Variants in FNBP1 observed in about 807,000 individuals in gnomAD.
The protein encoded by FNBP1 is formin-binding protein 1.
FNBP1 carries 26 observed loss-of-function variants against 90.6 expected under a neutral mutation model. That is an observed-to-expected ratio of 0.29 (90% CI 0.21 to 0.40). The LOEUF is 0.40. Ranked by LOEUF, FNBP1 falls within the 10% of genes least tolerant of loss-of-function variation. The pLI, the probability that FNBP1 is intolerant of heterozygous loss-of-function variation, is 1.00. For missense variants in FNBP1, 635 were observed against 768.0 expected (o/e 0.83, Z 2.05); for synonymous variants, 260 against 265.2 (o/e 0.98, Z 0.19).
In FNBP1 at chr9:129,950,398, G is replaced by A. The variant is rs2045985301; in HGVS notation, c.513+6962C>T. On this transcript the variant is annotated intron_variant, in intron 6 of 16. Coordinates refer to ENST00000446176, the MANE Select transcript of FNBP1 (RefSeq NM_015033.3). Reference sequence around the variant, plus strand: ...AACGATGCTCCCAGTGTAAGAAAAAGTACTAGATCTTTGGAAATATTCAAA... The same window carrying A: ...AACGATGCTCCCAGTGTAAGAAAAAATACTAGATCTTTGGAAATATTCAAA... Among the ~76,000 whole-genome samples, 3 of 152,168 alleles carry A rather than the reference G, an allele frequency of 2.0e-5. No individual in the cohort carries two copies. The South Asian group carries it at 6.2e-4, about 32-fold the overall frequency.
intron 1 of FNBP1, among the ~76,000 whole-genome samples, chr9:130,018,991 G>A (rs1479788525): frequency 1.3e-5 from 2 of 152,098 alleles, no homozygotes; most frequent in Admixed American, 1.3e-4. Flanking sequence ...TTGGGAAGCC[G>A]AGGCAAGTGG....
intron 1 of FNBP1, among the ~76,000 whole-genome samples, chr9:130,024,253 CA>C (rs879626823): frequency 5.9e-5 from 9 of 151,536 alleles, no homozygotes; most frequent in African/African-American, 1.5e-4. Context: ...CTACCCCCCC[CA>C]AAAAAACAGG....
rs181809748 is a variant in FNBP1 at position 129,959,426 on chromosome 9, T to C, written c.346-873A>G. 1.6e-3 allele frequency among the ~76,000 whole-genome samples: 247 copies of C among 151,234 alleles called. 1 individual carries two copies. Among genetic ancestry groups the C allele is most frequent in the African/African-American group, 4.8e-3 (197 of 41,112 alleles). On this transcript the variant is annotated intron_variant, in intron 4 of 16. Coordinates refer to ENST00000446176, the MANE Select transcript of FNBP1 (RefSeq NM_015033.3). The stretch of plus-strand genomic sequence containing the variant: ...CAATATGGTGAAACCCCATCTCTAC[T>C]AAAAAGACAAAAATCAGCCAGGCGT...
At chr9:129,997,077 C>A (rs1023269108) in intron 1 of FNBP1, among the ~76,000 whole-genome samples, 12 of 151,804 alleles carry the variant, frequency 7.9e-5, no homozygotes, top group African/African-American at 2.9e-4. Context: ...GTAATCCCAG[C>A]ATTTTGGGAA....
intron 6 of FNBP1, among the ~76,000 whole-genome samples, chr9:129,951,612 T>G (rs2046186147): frequency 1.3e-5 from 2 of 151,748 alleles, no homozygotes; most frequent in Admixed American, 6.6e-5. Context: ...AGGCTAATTT[T>G]TAAAAAACTT....
intron 6 of FNBP1, among the ~76,000 whole-genome samples, chr9:129,930,904 G>A (rs764834700): frequency 2.0e-5 from 3 of 152,198 alleles, no homozygotes; most frequent in Non-Finnish European, 2.9e-5. Context: ...ATTCACTGCA[G>A]TAAGCCAGAA....
chr9:130,017,566 A>G (rs1339678850), intron 1 of FNBP1, among the ~76,000 whole-genome samples: 1 of 152,162 alleles, frequency 6.6e-6, no homozygotes, highest in African/African-American at 2.4e-5. Flanking sequence ...GCGGTAGCTC[A>G]CGCCTGTAAT....
chr9:129,927,261 C>G lies in FNBP1; in HGVS notation c.723G>C (p.Val241=). The G allele has an allele frequency of 6.2e-7, 1 of 1,613,298 alleles. No homozygotes were observed. The highest frequency in any genetic ancestry group is 8.5e-7 in the Non-Finnish European group (1 of 1,179,214). The change falls in exon 8 of 17, where the codon GTG becomes GTC. Residue 241 remains valine (V), a synonymous_variant. Transcript: ENST00000446176. ...CCAGGCACTTCCCAATGATTGGGAT[C>G]ACCTGCCGATCAACCTCTGCATATG... is the stretch of plus-strand genomic sequence containing the variant. ...MKTYAEVDRQ[V]IPIIGKCLDG...
intron 2 of FNBP1, among the ~76,000 whole-genome samples, chr9:129,988,656 G>A (rs894814116): frequency 1.3e-5 from 2 of 152,124 alleles, no homozygotes; most frequent in African/African-American, 4.8e-5. Flanking sequence ...CAGCCTGGGT[G>A]ACAGAGCGAG....
intron 1 of FNBP1, among the ~76,000 whole-genome samples, chr9:130,005,062 C>CAAAAAAAAAAAAAAA (rs573686773): frequency 3.2e-5 from 3 of 92,840 alleles, no homozygotes; most frequent in African/African-American, 1.3e-4. Flanking sequence ...AAGACTGTCT[C>CAAAAAAAAAAAAAAA]AAAAAAAAAA....
chr9:129,967,711 T>C (rs973447034), intron 4 of FNBP1, among the ~76,000 whole-genome samples: 9 of 152,170 alleles, frequency 5.9e-5, no homozygotes, highest in Admixed American at 3.3e-4. Flanking sequence ...GTGAGTCAAG[T>C]AATTCTCACA....
chr9:129,914,591 C>A (rs978740281), intron 11 of FNBP1, among the ~76,000 whole-genome samples: 6 of 151,754 alleles, frequency 4.0e-5, no homozygotes, highest in African/African-American at 1.5e-4. Flanking sequence ...GTATCTAGAT[C>A]TCTTTCCTTC....
intron 6 of FNBP1, among the ~76,000 whole-genome samples, chr9:129,944,717 C>T (rs972132882): frequency 3.7e-4 from 57 of 152,104 alleles, no homozygotes; most frequent in African/African-American, 1.2e-3. Flanking sequence ...TCACACCCAG[C>T]CCTTGAGGTG....
At chr9:129,909,986 G>A (rs1027865529) in intron 11 of FNBP1, among the ~76,000 whole-genome samples, 2 of 152,126 alleles carry the variant, frequency 1.3e-5, no homozygotes, top group Admixed American at 6.5e-5. Context: ...ACTCATCTCC[G>A]CGGTTTTTAA....
At chr9:129,977,172 A>G (rs192046454) in intron 4 of FNBP1, among the ~76,000 whole-genome samples, 134 of 152,154 alleles carry the variant, frequency 8.8e-4, no homozygotes, top group Admixed American at 2.2e-3. Flanking sequence ...AAAAAAAAAA[A>G]TGTTATCACT....
rs748906431 is a variant in FNBP1, at chr9:129,900,564, T to C, written c.1429-17A>G. ...CAGCCAGGCCTGGAGACAAAAGCAA[T>C]GAGAGACTCCAACCTAAGGCCATCT... On this transcript the variant is annotated splice_polypyrimidine_tract_variant and intron_variant, in intron 13 of 16. Transcript: ENST00000446176. This position sits in a 1 kb window ranked among gnomAD's most constrained non-coding sequence, Gnocchi z 4.1. The C allele has an allele frequency of 2.0e-6, 3 of 1,529,028 alleles. No individual in the cohort carries two copies. Among genetic ancestry groups the C allele is most frequent in the East Asian group, 2.4e-5 (1 of 41,742 alleles). The allele number at this position is 1,529,028 out of a possible 1,614,324, so 94.7% of individuals were successfully genotyped here.
intron 6 of FNBP1, among the ~76,000 whole-genome samples, chr9:129,943,436 G>C (rs936976808): frequency 4.3e-5 from 2 of 46,192 alleles, no homozygotes; most frequent in African/African-American, 1.1e-4. Context: ...GCCCAGGCTG[G>C]AGTGCAGTGG....
chr9:130,013,063 CA>C (rs1426317831), intron 1 of FNBP1, among the ~76,000 whole-genome samples: 1 of 152,104 alleles, frequency 6.6e-6, no homozygotes, highest in African/African-American at 2.4e-5. Context: ...ATAAAAAATA[CA>C]AACTGGGAGA....
intron 6 of FNBP1, among the ~76,000 whole-genome samples, chr9:129,938,977 T>C (rs1430220274): frequency 6.6e-6 from 1 of 152,036 alleles, no homozygotes; most frequent in Non-Finnish European, 1.5e-5. Context: ...AGGTTTGAAA[T>C]TGATTATTAT....
Sources: allele counts gnomAD v4.1 joint callset (sites outside exome capture counted in the v4.1 genomes callset), GRCh38; gene constraint gnomAD v4.1.1; non-coding constraint Gnocchi (gnomAD v3.1); transcripts MANE v1.5; gene names NCBI Gene and HGNC (gene_info 2026-07-23, HGNC 2026-07-21).